Variants in FRK observed in about 807,000 individuals in gnomAD.
FRK encodes the protein fyn related Src family tyrosine kinase, also known as tyrosine-protein kinase FRK.
A neutral mutation model predicts 56.4 loss-of-function variants in FRK; 51 were observed. The ratio of observed to expected loss-of-function variants is 0.90; its 90% CI spans 0.72 to 1.14. The LOEUF (loss-of-function observed/expected upper bound fraction) is 1.14, where lower values mean the gene tolerates loss of function less well. Among genes scored for constraint, FRK ranks in the 50% most tolerant of loss-of-function variants. The probability of loss-of-function intolerance (pLI) is 0.00; values close to 1 mark genes in which losing one functional copy is unlikely to be tolerated. For missense variants in FRK, 570 were observed against 601.4 expected (o/e 0.95, Z 0.55); for synonymous variants, 245 against 217.9 (o/e 1.12, Z -1.10).
intron 1 of FRK, among the ~76,000 whole-genome samples, chr6:116,023,335 CAAAAATGTTAATATGAGT>C (rs1775952533): frequency 6.6e-6 from 1 of 152,030 alleles, no homozygotes; most frequent in African/African-American, 2.4e-5. Flanking sequence ...TAGACTTGCA[CAAAAATGTTAATATGAGT>C]TTTGTTTGTA....
intron 1 of FRK, among the ~76,000 whole-genome samples, chr6:116,032,518 T>A (rs1212923999): frequency 6.6e-6 from 1 of 152,100 alleles, no homozygotes; most frequent in Non-Finnish European, 1.5e-5. Context: ...AATACAGAAT[T>A]TGAAGAGAAA....
intron 2 of FRK, among the ~76,000 whole-genome samples, chr6:115,972,905 A>G (rs1328453204): frequency 2.0e-5 from 3 of 152,194 alleles, no homozygotes; most frequent in Admixed American, 1.3e-4. Context: ...AAGACGCTCT[A>G]TAACCAGCAG....
At chr6:116,046,429 C>A (rs1387710378) in intron 1 of FRK, among the ~76,000 whole-genome samples, 1 of 152,226 alleles carries the variant, frequency 6.6e-6, no homozygotes, top group East Asian at 1.9e-4. Context: ...AGCACATATA[C>A]ACCATGGAAT....
intron 5 of FRK, among the ~76,000 whole-genome samples, chr6:115,951,407 C>T (rs148931076): frequency 5.7e-4 from 86 of 152,160 alleles, no homozygotes; most frequent in Non-Finnish European, 1.6e-4. Context: ...ATTCCTTTTA[C>T]TCAAAGGAAT....
intron 1 of FRK, among the ~76,000 whole-genome samples, chr6:116,018,550 T>C (rs1216720259): frequency 3.9e-5 from 6 of 152,202 alleles, no homozygotes; most frequent in Non-Finnish European, 8.8e-5. Flanking sequence ...TGAAGTAGAC[T>C]AAAATGTTTG....
At chr6:115,985,572 T>C (rs533334798) in intron 2 of FRK, among the ~76,000 whole-genome samples, 15 of 152,110 alleles carry the variant, frequency 9.9e-5, no homozygotes, top group Admixed American at 2.6e-4. Flanking sequence ...CCTCAGATTC[T>C]TTACTTTCTA....
chr6:116,024,296 G>A (rs1349242949), intron 1 of FRK, among the ~76,000 whole-genome samples: 1 of 150,736 alleles, frequency 6.6e-6, no homozygotes, highest in Non-Finnish European at 1.5e-5. Context: ...TTAAGTTTTA[G>A]GGTACATGTG....
intron 2 of FRK, among the ~76,000 whole-genome samples, chr6:115,976,888 A>G (rs1345744182): frequency 6.6e-6 from 1 of 152,182 alleles, no homozygotes; most frequent in Non-Finnish European, 1.5e-5. Context: ...AGCATTGTCA[A>G]CAAAAGAGAG....
upstream of FRK, among the ~76,000 whole-genome samples, chr6:116,063,802 TAAAA>T (rs1777701669): frequency 6.6e-6 from 1 of 151,974 alleles, no homozygotes; most frequent in Non-Finnish European, 1.5e-5. Flanking sequence ...TCTCACCAAA[TAAAA>T]AACAATGCCT....
intron 1 of FRK, among the ~76,000 whole-genome samples, chr6:116,018,383 T>G (rs1453979147): frequency 6.6e-6 from 1 of 152,352 alleles, no homozygotes; most frequent in East Asian, 1.9e-4. Flanking sequence ...GGCAAAGCTC[T>G]TCTCACACCA....
intron 2 of FRK, among the ~76,000 whole-genome samples, chr6:115,979,420 GTGTT>G (rs776390299): frequency 2.0e-5 from 3 of 152,082 alleles, no homozygotes; most frequent in South Asian, 2.1e-4. Context: ...GCTGTAAAAT[GTGTT>G]TGTTTTACAC....
chr6:115,973,327 A>T (rs1289858547), intron 2 of FRK, among the ~76,000 whole-genome samples: 1 of 152,120 alleles, frequency 6.6e-6, no homozygotes, highest in African/African-American at 2.4e-5. Context: ...CAAACACCGC[A>T]TGTTCTCACT....
At position 115,992,715 on chromosome 6, in the gene FRK, G is replaced by A. The variant is rs117025717; in HGVS notation, c.466+11162C>T. Among the ~76,000 whole-genome samples the A allele has an allele frequency of 3.0e-3, 462 of 151,792 alleles. 2 individuals are homozygous for A. Among genetic ancestry groups the A allele is most frequent in the Middle Eastern group, 0.02 (6 of 294 alleles). On this transcript the variant is annotated intron_variant, in intron 2 of 7. Transcript: ENST00000606080. ...AAGATGGGAAGTGCAAGTCTTAATC[G>A]TGCAATAGCTTATGTCATAGCATAG...
intron 5 of FRK, among the ~76,000 whole-genome samples, chr6:115,945,154 A>C (rs1562248695): frequency 6.6e-6 from 1 of 152,116 alleles, no homozygotes; most frequent in Non-Finnish European, 1.5e-5. Context: ...TGCTATTGTG[A>C]ATGGTGCTGC....
the FRK span, among the ~76,000 whole-genome samples, chr6:116,069,163 T>C: frequency 6.6e-6 from 1 of 152,220 alleles, no homozygotes; most frequent in Admixed American, 6.5e-5. Context: ...ACAGAGCCTC[T>C]CTAATCTGTT....
the FRK span, among the ~76,000 whole-genome samples, chr6:116,081,538 A>C: frequency 6.6e-6 from 1 of 152,040 alleles, no homozygotes; most frequent in African/African-American, 2.4e-5. Flanking sequence ...GGTGCCTGTA[A>C]TCCTAGCTAC....
chr6:116,084,291 C>T, the FRK span, among the ~76,000 whole-genome samples: 1 of 152,202 alleles, frequency 6.6e-6, no homozygotes, highest in Non-Finnish European at 1.5e-5. Context: ...CAAGTAACCC[C>T]AAAACTCGGT....
intron 1 of FRK, among the ~76,000 whole-genome samples, chr6:116,035,463 C>T (rs1319592625): frequency 1.3e-5 from 2 of 152,048 alleles, no homozygotes; most frequent in Non-Finnish European, 2.9e-5. Context: ...CCATTACTCA[C>T]ATCTACATAT....
intron 2 of FRK, among the ~76,000 whole-genome samples, chr6:115,994,333 C>CG (rs1199358490): frequency 1.9e-5 from 2 of 105,960 alleles, no homozygotes; most frequent in African/African-American, 3.2e-5. Context: ...CTCCCCCCCC[C>CG]CCGCCTTTTT....
Sources: allele counts gnomAD v4.1 joint callset (sites outside exome capture counted in the v4.1 genomes callset), GRCh38; gene constraint gnomAD v4.1.1; transcripts MANE v1.5; gene names NCBI Gene and HGNC (gene_info 2026-07-23, HGNC 2026-07-21).